The following MAST4 variants were observed in gnomAD, a reference collection of about 807,000 sequenced individuals.
The protein encoded by MAST4 is microtubule-associated serine/threonine-protein kinase 4.
A neutral mutation model predicts 162.7 loss-of-function variants in MAST4; 89 were observed. The ratio of observed to expected loss-of-function variants is 0.55; its 90% CI spans 0.46 to 0.65. MAST4 has a LOEUF of 0.65. Ranked by LOEUF, MAST4 falls within the 30% of genes least tolerant of loss-of-function variation. MAST4 has a pLI of 0.00. For missense variants in MAST4, 3,153 were observed against 3,374.0 expected, an observed-to-expected ratio of 0.93 and a Z score of 1.62; for synonymous variants, 1,479 against 1,361.1, an observed-to-expected ratio of 1.09 and a Z score of -1.91.
chr5:66,628,200 T>G (rs1744565309), intron 1 of MAST4, among the ~76,000 whole-genome samples: 1 of 152,000 alleles, frequency 6.6e-6, no homozygotes. Context: ...ACTGGCTAAA[T>G]ATTGTTTATT....
chr5:66,928,841 A>T (rs1199010863), intron 4 of MAST4, among the ~76,000 whole-genome samples: 2 of 152,170 alleles, frequency 1.3e-5, no homozygotes, highest in Non-Finnish European at 2.9e-5. Context: ...CTAGAAGGCC[A>T]TTGCCCGCTC....
intron 1 of MAST4, among the ~76,000 whole-genome samples, chr5:66,657,986 A>T (rs1220308805): frequency 6.6e-6 from 1 of 152,222 alleles, no homozygotes; most frequent in Admixed American, 6.5e-5. Flanking sequence ...AAGAATAATT[A>T]TATACAAGTT....
intron 1 of MAST4, among the ~76,000 whole-genome samples, chr5:66,693,298 G>A (rs1411605714): frequency 6.6e-6 from 1 of 152,030 alleles, no homozygotes; most frequent in Admixed American, 6.6e-5. Context: ...CAGTTGTAAG[G>A]CATCTAAAAA....
chr5:67,102,679 G>A (rs1236229302), intron 9 of MAST4, 68 bp downstream of exon 9: 1 of 1,306,788 alleles, frequency 7.7e-7, no homozygotes, highest in African/African-American at 1.5e-5. Flanking sequence ...AGTCTGTAAG[G>A]TTGTTTTGTT....
At chr5:66,697,684 C>G (rs1225427730) in intron 1 of MAST4, among the ~76,000 whole-genome samples, 1 of 152,178 alleles carries the variant, frequency 6.6e-6, no homozygotes, top group East Asian at 1.9e-4. Context: ...AACAATGGCA[C>G]TCTTTCACCA....
intron 9 of MAST4, 131 bp downstream of exon 9, chr5:67,102,742 T>A (rs1765165297): frequency 4.2e-6 from 3 of 712,962 alleles, no homozygotes; most frequent in Non-Finnish European, 7.4e-6. Context: ...AGCTCCATAG[T>A]CTTCTTAGAA....
chr5:66,974,124 A>C (rs1006727802), intron 4 of MAST4, among the ~76,000 whole-genome samples: 2 of 152,182 alleles, frequency 1.3e-5, no homozygotes, highest in African/African-American at 4.8e-5. Flanking sequence ...CGGCCACTCT[A>C]TGAGAACACC....
chr5:66,747,507 TTAAA>T (rs1310183404), intron 1 of MAST4, among the ~76,000 whole-genome samples: 21 of 152,146 alleles, frequency 1.4e-4, no homozygotes, highest in African/African-American at 5.1e-4. Context: ...CAGTGAACAG[TTAAA>T]TAGTTTGGGT....
chr5:67,103,516 G>A (rs1457105604), intron 9 of MAST4, among the ~76,000 whole-genome samples: 1 of 152,172 alleles, frequency 6.6e-6, no homozygotes, highest in Non-Finnish European at 1.5e-5. Context: ...TTAGAGGGGA[G>A]GAGGAGGGAG....
chr5:66,809,523 A>C (rs1256320887), intron 3 of MAST4, among the ~76,000 whole-genome samples: 1 of 152,146 alleles, frequency 6.6e-6, no homozygotes, highest in Non-Finnish European at 1.5e-5. Flanking sequence ...TTTTAAATAC[A>C]GGGATATATG....
At chr5:66,971,765 T>C (rs1303523674) in intron 4 of MAST4, among the ~76,000 whole-genome samples, 1 of 152,182 alleles carries the variant, frequency 6.6e-6, no homozygotes, top group East Asian at 1.9e-4. Context: ...TATGTGTGTG[T>C]TGGGGAAAGT....
At chr5:67,068,958 A>C (rs1760572138) in intron 5 of MAST4, among the ~76,000 whole-genome samples, 1 of 151,770 alleles carries the variant, frequency 6.6e-6, no homozygotes, top group Admixed American at 6.6e-5. Context: ...TTTGTAATAA[A>C]AACCATGCAT....
intron 14 of MAST4, among the ~76,000 whole-genome samples, chr5:67,129,806 G>T (rs1490786645): frequency 6.6e-6 from 1 of 151,972 alleles, no homozygotes; most frequent in Non-Finnish European, 1.5e-5. Flanking sequence ...ACTATCTAAC[G>T]CTAGAAAGGA....
chr5:66,891,040 T>A (rs946273215), intron 3 of MAST4, among the ~76,000 whole-genome samples: 3 of 152,328 alleles, frequency 2.0e-5, no homozygotes, highest in Admixed American at 6.5e-5. Context: ...GATGTTTAAC[T>A]TTTCATCTAA....
chr5:67,071,256 G>GAAATA (rs201272316), intron 5 of MAST4, among the ~76,000 whole-genome samples: 11 of 151,992 alleles, frequency 7.2e-5, no homozygotes, highest in East Asian at 1.9e-4. Flanking sequence ...ATCTGAACAG[G>GAAATA]AAATAAAATA....
Position 67,016,831 on chromosome 5 carries a change from C to T in MAST4, c.675-37573C>T, listed in dbSNP as rs550453572. On this transcript the variant is annotated intron_variant, in intron 4 of 28. Transcript: ENST00000403625. ...ACATTCACATAAGTGTATATGTTAT[C>T]TACACATTTCAAAATCCATGCCGAT... Among the ~76,000 whole-genome samples the T allele has an allele frequency of 2.0e-5, 3 of 152,250 alleles. 1 individual carries two copies. The South Asian group carries it at 6.2e-4, about 32-fold the overall frequency.
intron 4 of MAST4, among the ~76,000 whole-genome samples, chr5:66,948,857 G>A (rs1205663398): frequency 2.0e-5 from 3 of 152,082 alleles, no homozygotes; most frequent in African/African-American, 7.2e-5. Context: ...CTCTGTGTGC[G>A]AGCATGGTGT....
At chr5:66,759,177 T>A (rs1753714192) in intron 1 of MAST4, among the ~76,000 whole-genome samples, 1 of 152,222 alleles carries the variant, frequency 6.6e-6, no homozygotes, top group East Asian at 1.9e-4. Context: ...ATTTCTCTCC[T>A]GTACAACATA....
At chr5:66,640,611 AT>A (rs1330861963) in intron 1 of MAST4, among the ~76,000 whole-genome samples, 2 of 152,060 alleles carry the variant, frequency 1.3e-5, no homozygotes, top group Non-Finnish European at 2.9e-5. Flanking sequence ...CCAGCCCACA[AT>A]TTCTTTATCC....
Sources: gnomAD v4.1 joint callset for allele counts (sites outside exome capture counted in the v4.1 genomes callset) on GRCh38, gnomAD v4.1.1 for gene constraint, MANE v1.5 for transcripts, NCBI Gene and HGNC (gene_info 2026-07-23, HGNC 2026-07-21) for gene names.